The following ASTN1 variants were observed in gnomAD, a reference collection of about 807,000 sequenced individuals.
ASTN1 encodes the protein astrotactin-1.
A neutral mutation model predicts 140.7 loss-of-function variants in ASTN1; 41 were observed. That is an observed-to-expected ratio of 0.29 (90% CI 0.23 to 0.38). The LOEUF is 0.38. Among genes scored for constraint, ASTN1 ranks in the 10% least tolerant of loss-of-function variants. The pLI, the probability that ASTN1 is intolerant of heterozygous loss-of-function variation, is 1.00. For missense variants in ASTN1, 1,479 were observed against 1,678.8 expected (o/e 0.88, Z 2.08); for synonymous variants, 640 against 652.2 (o/e 0.98, Z 0.29).
chr1:177,077,330 C>T (rs530617576), intron 1 of ASTN1, among the ~76,000 whole-genome samples: 42 of 152,082 alleles, frequency 2.8e-4, no homozygotes, highest in Admixed American at 9.2e-4. Flanking sequence ...ACTCTGGTGA[C>T]GAGCACGCTA....
At chr1:176,901,406 T>C (rs916656963) in intron 16 of ASTN1, among the ~76,000 whole-genome samples, 7 of 152,298 alleles carry the variant, frequency 4.6e-5, no homozygotes, top group African/African-American at 7.2e-5. Context: ...TAGCCAATAA[T>C]GTCACAAAGT....
At chr1:176,864,945 G>A (rs1383598634) in intron 22 of ASTN1, among the ~76,000 whole-genome samples, 1 of 152,178 alleles carries the variant, frequency 6.6e-6, no homozygotes, top group Non-Finnish European at 1.5e-5. Context: ...ACTGGTAGAA[G>A]CAGCCGTTAT....
chr1:177,076,944 C>T (rs1163925751), intron 1 of ASTN1, among the ~76,000 whole-genome samples: 3 of 152,154 alleles, frequency 2.0e-5, no homozygotes, highest in African/African-American at 7.2e-5. Context: ...GGGCCGGAGA[C>T]TGGCTCTGCT....
chr1:176,949,829 T>C (rs1396310488), intron 11 of ASTN1, among the ~76,000 whole-genome samples: 1 of 152,204 alleles, frequency 6.6e-6, no homozygotes, highest in Non-Finnish European at 1.5e-5. Flanking sequence ...TTGGGGGGAA[T>C]GGACTGAGCC....
chr1:176,894,570 T>G lies in ASTN1; in HGVS notation c.2932A>C (p.Thr978Pro). The G allele has an allele frequency of 6.2e-7, 1 of 1,613,808 alleles. No individual in the cohort carries two copies. Among genetic ancestry groups the G allele is most frequent in the Non-Finnish European group, 8.5e-7 (1 of 1,179,970 alleles). Residue 978 changes from threonine to proline, a missense_variant, in exon 17 of 23, where the codon ACC (threonine) becomes CCC (proline). Physicochemically the swap from Thr to Pro is conservative, Grantham distance 38 (BLOSUM62 -1). Coordinates refer to ENST00000361833, the MANE Select transcript of ASTN1 (RefSeq NM_004319.3). ...PIYELVTNNQTQRLLQEATMS... is the reference protein window; with the variant it reads ...PIYELVTNNQPQRLLQEATMS... ...AGTCCCAGGCCTCTTACCCTCTGGG[T>G]CTGGTTGTTGGTCACTAGTTCATAG...
chr1:177,164,699 C>T lies in ASTN1; in HGVS notation c.-23G>A, dbSNP rs1279614725. On this transcript the variant is annotated 5_prime_UTR_variant, in exon 1 of 23. Coordinates refer to ENST00000361833, the MANE Select transcript of ASTN1 (RefSeq NM_004319.3). The stretch of plus-strand genomic sequence containing the variant: ...CATCTTGAGCCCCGGCCGCCTTCCT[C>T]CTAGCGCTGCGATGGTGGGGGAGGA... 1 of 1,524,056 alleles carries T rather than the reference C, an allele frequency of 6.6e-7. No individual in the cohort carries two copies. Among genetic ancestry groups the T allele is most frequent in the African/African-American group, 1.4e-5 (1 of 71,788 alleles). 94.4% of individuals were successfully genotyped at this position (1,524,056 alleles called of 1,614,324 possible). A position where few individuals can be genotyped will look rare whatever the true frequency, so the allele number is the denominator to read the frequency against.
intron 2 of ASTN1, among the ~76,000 whole-genome samples, chr1:177,059,601 C>T (rs529755159): frequency 1.9e-4 from 29 of 152,270 alleles, no homozygotes; most frequent in African/African-American, 5.5e-4. Flanking sequence ...CAAAGTGCCT[C>T]GTGTACATGC....
At chr1:177,126,615 C>T (rs974155815) in intron 1 of ASTN1, among the ~76,000 whole-genome samples, 5 of 152,158 alleles carry the variant, frequency 3.3e-5, no homozygotes, top group Non-Finnish European at 7.3e-5. Context: ...GAGTGGGATA[C>T]CTCTGTCCAA....
intron 2 of ASTN1, among the ~76,000 whole-genome samples, chr1:177,053,312 C>T (rs1022405567): frequency 5.3e-5 from 8 of 152,142 alleles, no homozygotes; most frequent in African/African-American, 1.9e-4. Flanking sequence ...GAAAATTTGG[C>T]CTCTTAGCTA....
At chr1:177,020,581 CCT>C (rs1675774563) in intron 7 of ASTN1, among the ~76,000 whole-genome samples, 1 of 152,212 alleles carries the variant, frequency 6.6e-6, no homozygotes, top group Non-Finnish European at 1.5e-5. Context: ...CCCAAATCTC[CCT>C]GTTTTAAAGC....
At chr1:176,911,515 T>C (rs1670238663) in intron 16 of ASTN1, among the ~76,000 whole-genome samples, 2 of 152,282 alleles carry the variant, frequency 1.3e-5, no homozygotes, top group African/African-American at 4.8e-5. Context: ...GTATATGCTT[T>C]TCTCTATTTT....
In ASTN1 at chr1:176,934,137, A is replaced by C; in HGVS notation, c.2671+15T>G. 6.3e-7 allele frequency: 1 copy of C among 1,594,004 alleles called. No individual in the cohort carries two copies. Among genetic ancestry groups the C allele is most frequent in the Non-Finnish European group, 8.6e-7 (1 of 1,164,086 alleles). On this transcript the variant is annotated intron_variant, in intron 16 of 22. Transcript: ENST00000361833. The stretch of plus-strand genomic sequence containing the variant: ...GGCATGAGGTATGGAATTTGCCAAC[A>C]AGCATGCCACTCACCTTTACTGATG...
chr1:177,031,728 G>C (rs1676455459), intron 3 of ASTN1, among the ~76,000 whole-genome samples: 1 of 152,208 alleles, frequency 6.6e-6, no homozygotes, highest in African/African-American at 2.4e-5. Flanking sequence ...GTTCTTTGAA[G>C]GATCACTGTC....
chr1:176,960,058 CAA>C (rs1259469566), intron 9 of ASTN1, among the ~76,000 whole-genome samples: 2 of 152,176 alleles, frequency 1.3e-5, no homozygotes, highest in Non-Finnish European at 2.9e-5. Flanking sequence ...CTCACAAACA[CAA>C]ACACACAGTT....
At chr1:177,057,542 T>A (rs1364412923) in intron 2 of ASTN1, among the ~76,000 whole-genome samples, 1 of 152,220 alleles carries the variant, frequency 6.6e-6, no homozygotes, top group Non-Finnish European at 1.5e-5. Flanking sequence ...AACCATTAAT[T>A]CCCTCTTGCA....
chr1:176,862,835 G>GA lies in ASTN1; in HGVS notation c.*1448dup, dbSNP rs1000188942. The stretch of plus-strand genomic sequence containing the variant: ...TGTTATCTGTCACTACTACTATTTA[G>GA]AAAAAAAACCAATATAGCTCAATGA... On this transcript the variant is annotated 3_prime_UTR_variant, in exon 23 of 23. Coordinates refer to ENST00000361833, the MANE Select transcript of ASTN1 (RefSeq NM_004319.3). The GA allele has an allele frequency of 4.1e-6, 4 of 985,106 alleles. No homozygotes were observed. Among genetic ancestry groups the GA allele is most frequent in the Middle Eastern group, 5.2e-4 (1 of 1,914 alleles). The allele number at this position is 985,106 out of a possible 1,614,324, so 61.0% of individuals were successfully genotyped here.
At chr1:176,910,272 C>A (rs760167707) in intron 16 of ASTN1, among the ~76,000 whole-genome samples, 1 of 152,158 alleles carries the variant, frequency 6.6e-6, no homozygotes, top group Non-Finnish European at 1.5e-5. Flanking sequence ...AAGCTTGTTA[C>A]TATTATTTCT....
chr1:176,927,939 A>G (rs578197947), intron 16 of ASTN1, among the ~76,000 whole-genome samples: 1 of 152,230 alleles, frequency 6.6e-6, no homozygotes, highest in East Asian at 1.9e-4. Flanking sequence ...AAAGTCCCTC[A>G]TCCATATCTC....
chr1:177,140,103 G>A (rs1682394103), intron 1 of ASTN1, among the ~76,000 whole-genome samples: 1 of 152,140 alleles, frequency 6.6e-6, no homozygotes, highest in Admixed American at 6.5e-5. Flanking sequence ...TATGGCTTCA[G>A]AGCCATATTC....
Sources: allele counts gnomAD v4.1 joint callset (sites outside exome capture counted in the v4.1 genomes callset), GRCh38; gene constraint gnomAD v4.1.1; transcripts MANE v1.5; gene names NCBI Gene and HGNC (gene_info 2026-07-23, HGNC 2026-07-21).